Variants in SUSD1 observed in about 807,000 individuals in gnomAD.
SUSD1 encodes the protein sushi domain-containing protein 1.
SUSD1 carries 65 observed loss-of-function variants against 86.9 expected under a neutral mutation model. The observed-to-expected ratio is 0.75, with a 90% CI of 0.61 to 0.92. SUSD1 has a LOEUF of 0.92. Among genes scored for constraint, SUSD1 ranks in the 40% least tolerant of loss-of-function variants. The pLI, the probability that SUSD1 is intolerant of heterozygous loss-of-function variation, is 0.00. For missense variants in SUSD1, 850 were observed against 929.7 expected (o/e 0.91, Z 1.11); for synonymous variants, 346 against 350.0 (o/e 0.99, Z 0.13).
intron 8 of SUSD1, among the ~76,000 whole-genome samples, chr9:112,108,774 C>CAAAAAAAAAAAAAAAAA (rs11312103): frequency 1.3e-4 from 9 of 68,544 alleles, no homozygotes; most frequent in Non-Finnish European, 1.9e-4. Flanking sequence ...CTGGGTGTCT[C>CAAAAAAAAAAAAAAAAA]AAAAAAAAAA....
intron 12 of SUSD1, among the ~76,000 whole-genome samples, chr9:112,069,482 C>T (rs927457253): frequency 1.3e-5 from 2 of 152,138 alleles, no homozygotes; most frequent in African/African-American, 4.8e-5. Context: ...AGAGGAAAAG[C>T]CCACACATGT....
At position 112,051,417 on chromosome 9, in the gene SUSD1, T is replaced by C. The variant is rs1333907589; in HGVS notation, c.2149+982A>G. Among the ~76,000 whole-genome samples, 656 of 116,066 alleles carry C rather than the reference T, an allele frequency of 5.7e-3. 3 individuals carry two copies. Among genetic ancestry groups the C allele is most frequent in the African/African-American group, 0.024 (626 of 26,080 alleles). 76.1% of individuals were successfully genotyped at this position (116,066 alleles called of 152,430 possible). ...AAGAAGTTTTTCTTTTCTTTTTTTT[T>C]TTTTTTTTTTTTTTTTGTTGTTGTT... On this transcript the variant is annotated intron_variant, in intron 15 of 16. Transcript: ENST00000374270.
At chr9:112,074,331 C>T (rs1042858629) in intron 12 of SUSD1, among the ~76,000 whole-genome samples, 6 of 152,310 alleles carry the variant, frequency 3.9e-5, no homozygotes, top group East Asian at 3.9e-4. Flanking sequence ...AAAGGGGATG[C>T]GTGCCGTGGG....
intron 1 of SUSD1, among the ~76,000 whole-genome samples, chr9:112,159,493 A>C (rs912868096): frequency 3.3e-5 from 5 of 152,230 alleles, no homozygotes; most frequent in Admixed American, 1.3e-4. Context: ...TCCAAAACTT[A>C]TTGTATCTCA....
intron 5 of SUSD1, among the ~76,000 whole-genome samples, chr9:112,130,448 A>AAGGAGAGGGAG (rs1290127076): frequency 1.3e-4 from 19 of 149,044 alleles, no homozygotes; most frequent in African/African-American, 4.4e-4. Context: ...GGGAGAAGGA[A>AAGGAGAGGGAG]AGGAGAGGGA....
In SUSD1 at chr9:112,124,183, A is replaced by T. The variant is rs1831667409; in HGVS notation, c.886+74T>A. 7.6e-6 allele frequency: 11 copies of T among 1,440,306 alleles called. No individual in the cohort carries two copies. In the South Asian group the frequency reaches 1.5e-4, roughly 20 times the overall value. The allele number at this position is 1,440,306 out of a possible 1,614,324, so 89.2% of individuals were successfully genotyped here. On this transcript the variant is annotated intron_variant, in intron 6 of 16. Coordinates refer to ENST00000374270, the MANE Select transcript of SUSD1 (RefSeq NM_022486.5). ...CAGTATGTAGAGTGAAGCAGCAATC[A>T]GATAGTTTTAGGCCCTCGGCTCCCA...
intron 1 of SUSD1, among the ~76,000 whole-genome samples, chr9:112,159,158 T>G (rs995893608): frequency 6.6e-6 from 1 of 152,236 alleles, no homozygotes; most frequent in Non-Finnish European, 1.5e-5. Context: ...TGGTGATATA[T>G]GGCCCAAGAT....
intron 10 of SUSD1, among the ~76,000 whole-genome samples, chr9:112,094,250 T>A (rs1038532043): frequency 6.6e-6 from 1 of 152,202 alleles, no homozygotes; most frequent in Admixed American, 6.5e-5. Context: ...TTTGGGGAGC[T>A]AGATATTAGT....
intron 6 of SUSD1, among the ~76,000 whole-genome samples, chr9:112,123,836 T>G (rs1236545830): frequency 6.6e-6 from 1 of 152,094 alleles, no homozygotes; most frequent in Non-Finnish European, 1.5e-5. Context: ...ATATTAGATG[T>G]TAAATTGTAT....
At chr9:112,059,636 G>T (rs2118969045) in intron 13 of SUSD1, among the ~76,000 whole-genome samples, 1 of 152,354 alleles carries the variant, frequency 6.6e-6, no homozygotes, top group African/African-American at 2.4e-5. Context: ...TGTATGCACT[G>T]TAAAAACTGT....
intron 10 of SUSD1, among the ~76,000 whole-genome samples, chr9:112,086,306 CAAA>C (rs34768628): frequency 8.9e-5 from 8 of 89,678 alleles, no homozygotes; most frequent in Admixed American, 1.2e-4. Flanking sequence ...GACCTTGCCT[CAAA>C]AAAAAAAAAA....
intron 12 of SUSD1, among the ~76,000 whole-genome samples, chr9:112,072,312 C>G (rs1215348037): frequency 6.6e-6 from 1 of 151,780 alleles, no homozygotes; most frequent in Non-Finnish European, 1.5e-5. Context: ...CCACACCCAG[C>G]TAATTTTTGT....
At chr9:112,116,102 A>T (rs191257997) in intron 6 of SUSD1, among the ~76,000 whole-genome samples, 1 of 152,306 alleles carries the variant, frequency 6.6e-6, no homozygotes, top group Non-Finnish European at 1.5e-5. Context: ...CTTCTCTCTG[A>T]GTTGCCAGCA....
At chr9:112,063,105 G>T in intron 12 of SUSD1, 72 bp from the exon 13 acceptor site, 1 of 908,618 alleles carries the variant, frequency 1.1e-6, no homozygotes, top group Non-Finnish European at 1.8e-6. Context: ...AGAGGTCCTC[G>T]TGAGGGCTAT....
chr9:112,106,253 A>G (rs1369008642), intron 8 of SUSD1, among the ~76,000 whole-genome samples: 1 of 152,118 alleles, frequency 6.6e-6, no homozygotes, highest in Non-Finnish European at 1.5e-5. Flanking sequence ...GATTACAGGC[A>G]TGAGCCACCA....
At chr9:112,150,400 G>A (rs1348139109) in intron 2 of SUSD1, among the ~76,000 whole-genome samples, 2 of 152,178 alleles carry the variant, frequency 1.3e-5, no homozygotes, top group Non-Finnish European at 1.5e-5. Context: ...TTGTTACTTC[G>A]TGTTTTATTT....
chr9:112,162,671 T>C (rs1833620990), intron 1 of SUSD1, among the ~76,000 whole-genome samples: 1 of 152,178 alleles, frequency 6.6e-6, no homozygotes. Context: ...TACCAAGCCT[T>C]GAGAGGAATG....
In SUSD1 at chr9:112,169,675, C is replaced by CTT. The variant is rs36110944; in HGVS notation, c.103+5456_103+5457dup. ...TGATTCATTCTCCAGAAGGGTGTAC[C>CTT]TTTTTTTTTTTTTTTTGAGATGGAG... is the stretch of plus-strand genomic sequence containing the variant. On this transcript the variant is annotated intron_variant, in intron 1 of 16. Transcript: ENST00000374270. Among the ~76,000 whole-genome samples, 694 of 138,008 alleles carry CTT rather than the reference C, an allele frequency of 5.0e-3. 2 individuals are homozygous for CTT. Among genetic ancestry groups the CTT allele is most frequent in the East Asian group, 8.8e-3 (42 of 4,776 alleles). 90.5% of individuals were successfully genotyped at this position (138,008 alleles called of 152,430 possible). A position where few individuals can be genotyped will look rare whatever the true frequency, so the allele number is the denominator to read the frequency against.
At chr9:112,045,869 C>G (rs538692106) in intron 15 of SUSD1, among the ~76,000 whole-genome samples, 131 of 152,306 alleles carry the variant, frequency 8.6e-4, no homozygotes, top group African/African-American at 3.1e-3. Context: ...AAGACTTGAA[C>G]CTATGTAGGG....
Sources: allele counts gnomAD v4.1 joint callset (sites outside exome capture counted in the v4.1 genomes callset), GRCh38; gene constraint gnomAD v4.1.1; transcripts MANE v1.5; gene names NCBI Gene and HGNC (gene_info 2026-07-23, HGNC 2026-07-21).